Variants in POT1 observed in about 807,000 individuals in gnomAD.
The protein encoded by POT1 is protection of telomeres protein 1.
POT1 carries 47 observed loss-of-function variants against 78.5 expected under a neutral mutation model. The observed-to-expected ratio is 0.60, with a 90% CI of 0.47 to 0.76. POT1 has a LOEUF of 0.76. POT1 is among the 30% of genes least tolerant of loss of function. POT1 has a pLI of 0.00. For missense variants in POT1, 646 were observed against 749.9 expected, an observed-to-expected ratio of 0.86 and a Z score of 1.62; for synonymous variants, 259 against 260.7, an observed-to-expected ratio of 0.99 and a Z score of 0.06.
In POT1 at chr7:124,892,334, C is replaced by T; in HGVS notation, c.56G>A (p.Gly19Asp). 6.5e-7 allele frequency: 1 copy of T among 1,531,826 alleles called. No individual in the cohort carries two copies. The highest frequency in any genetic ancestry group is 8.7e-7 in the Non-Finnish European group (1 of 1,146,904). The allele number at this position is 1,531,826 out of a possible 1,614,324, so 94.9% of individuals were successfully genotyped here. The change falls in exon 6 of 19, where the codon GGT becomes GAT. Residue 19 changes from glycine (G) to aspartate (D), a missense_variant. Gly to Asp is a moderately conservative substitution (Grantham distance 94). Around this residue, in one of 2 missense-constraint regions of POT1, gnomAD observed 252 missense variants for 341.4 expected, o/e 0.74. Coordinates refer to ENST00000357628, the MANE Select transcript of POT1 (RefSeq NM_015450.3). ...YIYTPLNQLKGGTIVNVYGVV... is the reference protein window; with the variant it reads ...YIYTPLNQLKDGTIVNVYGVV... ...ACCATAGACATTGACAATTGTACCACCCTTAAGTTGATTCAGGGGTGTATA... is the reference window on the plus strand; with the variant it reads ...ACCATAGACATTGACAATTGTACCATCCTTAAGTTGATTCAGGGGTGTATA...
chr7:124,896,398 T>G (rs541160816), intron 5 of POT1, among the ~76,000 whole-genome samples: 16 of 151,828 alleles, frequency 1.1e-4, no homozygotes, highest in African/African-American at 3.6e-4. Context: ...CTAACTCACA[T>G]TTTTCAAAAA....
In POT1 at chr7:124,835,268, A is replaced by C; in HGVS notation, c.1505+11T>G. On this transcript the variant is annotated intron_variant, in intron 15 of 18. Transcript: ENST00000357628. ...AAACAAAACAAAACAAAACAAAACA[A>C]AACAAAATACCCATAGTGATGTATT... 1 of 1,612,660 alleles carries C rather than the reference A, an allele frequency of 6.2e-7. No homozygotes were observed. Among genetic ancestry groups the C allele is most frequent in the Non-Finnish European group, 8.5e-7 (1 of 1,179,370 alleles).
chr7:124,853,677 C>T (rs10271687), intron 9 of POT1: 91,294 of 151,894 alleles, frequency 0.6, 27,562 homozygotes, highest in African/African-American at 0.65. Context: ...AAAACTTCTG[C>T]ATTTGTGCCT....
At chr7:124,881,956 T>C (rs886582381) in intron 6 of POT1, among the ~76,000 whole-genome samples, 8 of 152,024 alleles carry the variant, frequency 5.3e-5, no homozygotes, top group Non-Finnish European at 1.2e-4. Context: ...GCTGACAAAG[T>C]ACTTAACTAG....
chr7:124,842,926 T>C lies in POT1; in HGVS notation c.1044A>G (p.Leu348=), dbSNP rs769209315. Residue 348 remains leucine, a synonymous_variant, in exon 13 of 19, where the codon CTA becomes CTG. Transcript: ENST00000357628. ...GAGCTTTTTGTTTCAAAATGGCACA[T>C]AGTGGTGTCCTCTCCAAATACTGAT... ...TDHQYLERTP[L]CAILKQKAPQ... 1.2e-6 allele frequency: 2 copies of C among 1,605,572 alleles called. No homozygotes were observed. Among genetic ancestry groups the C allele is most frequent in the African/African-American group, 1.3e-5 (1 of 74,438 alleles).
intron 11 of POT1, among the ~76,000 whole-genome samples, chr7:124,851,091 T>C (rs1348412639): frequency 6.6e-6 from 1 of 151,940 alleles, no homozygotes; most frequent in African/African-American, 2.4e-5. Flanking sequence ...CTGGGCAACA[T>C]ATAGTGAGAT....
At chr7:124,852,841 G>T in intron 10 of POT1, 131 bp downstream of exon 10, 3 of 726,476 alleles carry the variant, frequency 4.1e-6, no homozygotes, top group Non-Finnish European at 6.6e-6. Flanking sequence ...GTTTCATTTG[G>T]CTCATCTATT....
At chr7:124,839,820 A>AGAAACCTATTTTAAAAAACCATTATC (rs1794983135) in intron 14 of POT1, among the ~76,000 whole-genome samples, 1 of 152,158 alleles carries the variant, frequency 6.6e-6, no homozygotes, top group Non-Finnish European at 1.5e-5. Flanking sequence ...TAGTCAATCA[A>AGAAACCTATTTTAAAAAACCATTATC]GAAACCTATT....
intron 12 of POT1, among the ~76,000 whole-genome samples, chr7:124,844,404 C>G (rs534833819): frequency 6.8e-6 from 1 of 146,390 alleles, no homozygotes; most frequent in African/African-American, 2.5e-5. Context: ...GCTGGGATTA[C>G]GGGCGTGAGC....
At chr7:124,924,297 T>C (rs747950157) in intron 2 of POT1, among the ~76,000 whole-genome samples, 2 of 151,562 alleles carry the variant, frequency 1.3e-5, no homozygotes, top group East Asian at 3.9e-4. Context: ...AAAAGAGACA[T>C]TACAACTGAT....
intron 6 of POT1, among the ~76,000 whole-genome samples, chr7:124,878,368 G>C (rs527405199): frequency 6.6e-6 from 1 of 152,074 alleles, no homozygotes; most frequent in East Asian, 1.9e-4. Context: ...CTCACCAAAG[G>C]ATATACAAAC....
At chr7:124,885,626 C>T (rs1399079876) in intron 6 of POT1, among the ~76,000 whole-genome samples, 1 of 151,874 alleles carries the variant, frequency 6.6e-6, no homozygotes, top group African/African-American at 2.4e-5. Context: ...ATTAGCCAGG[C>T]GTGGTGGCTG....
intron 2 of POT1, among the ~76,000 whole-genome samples, chr7:124,919,474 T>C (rs892606000): frequency 1.3e-5 from 2 of 152,246 alleles, no homozygotes; most frequent in African/African-American, 4.8e-5. Flanking sequence ...AACTCTGAAT[T>C]TGACTGTATT....
intron 11 of POT1, among the ~76,000 whole-genome samples, chr7:124,848,097 T>C (rs1795214793): frequency 1.3e-5 from 2 of 152,168 alleles, no homozygotes; most frequent in Admixed American, 1.3e-4. Flanking sequence ...ACATATAGTA[T>C]ATACAAAAAG....
chr7:124,832,879 G>A (rs1421113249), intron 15 of POT1, among the ~76,000 whole-genome samples: 1 of 150,740 alleles, frequency 6.6e-6, no homozygotes, highest in Non-Finnish European at 1.5e-5. Flanking sequence ...TCTAGTAAAA[G>A]AAGTAGTAGT....
At chr7:124,903,848 T>A (rs4532534) in intron 3 of POT1, among the ~76,000 whole-genome samples, 42,095 of 151,950 alleles carry the variant, frequency 0.28, 5,945 homozygotes, top group East Asian at 0.3. Context: ...CACCACTGAT[T>A]CCACAGAAAT....
intron 7 of POT1, among the ~76,000 whole-genome samples, chr7:124,864,049 T>A (rs1405416495): frequency 1.3e-5 from 2 of 152,130 alleles, no homozygotes; most frequent in Non-Finnish European, 2.9e-5. Context: ...GAATATAAAG[T>A]GAACAAAATG....
At chr7:124,870,858 C>A in intron 7 of POT1, 53 bp downstream of exon 7, 1 of 1,391,186 alleles carries the variant, frequency 7.2e-7, no homozygotes, top group South Asian at 1.9e-5. Context: ...TTTCAGTGAA[C>A]AATACAGAGT....
chr7:124,883,327 G>A (rs1796166239), intron 6 of POT1, among the ~76,000 whole-genome samples: 1 of 151,856 alleles, frequency 6.6e-6, no homozygotes, highest in Admixed American at 6.6e-5. Flanking sequence ...ATTGGGGAAA[G>A]ACTAAAAAAA....
Sources: allele counts gnomAD v4.1 joint callset (sites outside exome capture counted in the v4.1 genomes callset), GRCh38; gene constraint gnomAD v4.1.1; regional missense constraint gnomAD v4.1.1; transcripts MANE v1.5; gene names NCBI Gene and HGNC (gene_info 2026-07-23, HGNC 2026-07-21).